Variants in NREP observed in about 807,000 individuals in gnomAD.
NREP encodes neuronal regeneration related protein, also known as neuronal regeneration-related protein.
In NREP, 5 loss-of-function variants were observed where a neutral mutation model predicts 8.6. The ratio of observed to expected loss-of-function variants is 0.58; its 90% CI spans 0.30 to 1.22. The LOEUF (loss-of-function observed/expected upper bound fraction) is 1.22, where lower values mean the gene tolerates loss of function less well. NREP is among the 50% of genes most tolerant of loss of function. NREP has a pLI of 0.07. For missense variants in NREP, 86 were observed against 82.5 expected (o/e 1.04, Z -0.17); for synonymous variants, 27 against 28.0 (o/e 0.96, Z 0.11).
intron 2 of NREP, among the ~76,000 whole-genome samples, chr5:111,740,103 G>GTGTT (rs1275508442): frequency 2.0e-5 from 3 of 151,846 alleles, no homozygotes; most frequent in Non-Finnish European, 2.9e-5. Context: ...GGAAGTTTGA[G>GTGTT]TGTTTATACT....
chr5:111,943,981 T>C (rs1437557757), intron 2 of NREP, among the ~76,000 whole-genome samples: 1 of 152,128 alleles, frequency 6.6e-6, no homozygotes, highest in Non-Finnish European at 1.5e-5. Flanking sequence ...CTTAGAAATG[T>C]TTCTTCTATT....
intron 2 of NREP, among the ~76,000 whole-genome samples, chr5:111,845,411 C>G (rs1753138109): frequency 6.6e-6 from 1 of 152,050 alleles, no homozygotes; most frequent in South Asian, 2.1e-4. Flanking sequence ...GCCCTGGCAA[C>G]TCCTATTCTG....
At chr5:111,786,913 A>C (rs1171696572) in intron 2 of NREP, among the ~76,000 whole-genome samples, 1 of 152,210 alleles carries the variant, frequency 6.6e-6, no homozygotes, top group Admixed American at 6.5e-5. Context: ...AAGGGAAAAG[A>C]AAGTTATATT....
At chr5:111,780,445 G>C (rs1052449611) in intron 2 of NREP, among the ~76,000 whole-genome samples, 6 of 152,126 alleles carry the variant, frequency 3.9e-5, no homozygotes, top group Admixed American at 1.3e-4. Context: ...AAGAGTCATA[G>C]AGCTTTTTAA....
At chr5:111,779,022 T>C (rs946665796) in intron 2 of NREP, among the ~76,000 whole-genome samples, 5 of 144,088 alleles carry the variant, frequency 3.5e-5, no homozygotes, top group Non-Finnish European at 3.1e-5. Flanking sequence ...AACTCCTTGA[T>C]ATATGAGTCT....
chr5:111,807,051 T>A (rs1341624627), intron 2 of NREP, among the ~76,000 whole-genome samples: 1 of 152,084 alleles, frequency 6.6e-6, no homozygotes, highest in Non-Finnish European at 1.5e-5. Flanking sequence ...TAAAAAAATG[T>A]GGGCTGGCAA....
chr5:111,884,958 T>C (rs921068308), intron 2 of NREP, among the ~76,000 whole-genome samples: 4 of 152,166 alleles, frequency 2.6e-5, no homozygotes, highest in Non-Finnish European at 5.9e-5. Context: ...CAACCTAGTG[T>C]TGGAAGTTCT....
At chr5:111,871,437 T>G (rs948361025) in intron 2 of NREP, among the ~76,000 whole-genome samples, 7 of 152,038 alleles carry the variant, frequency 4.6e-5, no homozygotes, top group Non-Finnish European at 1.0e-4. Context: ...GAGTGGCGAG[T>G]GAATGTGAAG....
intron 2 of NREP, among the ~76,000 whole-genome samples, chr5:111,825,180 A>C (rs1343651043): frequency 6.6e-6 from 1 of 152,162 alleles, no homozygotes; most frequent in African/African-American, 2.4e-5. Flanking sequence ...TTAATGGATT[A>C]AAAATAAAAC....
chr5:111,822,396 A>G (rs1052207327), intron 2 of NREP, among the ~76,000 whole-genome samples: 2 of 152,328 alleles, frequency 1.3e-5, no homozygotes, highest in African/African-American at 2.4e-5. Context: ...GATATAATAG[A>G]ATTAGGGCAA....
intron 2 of NREP, among the ~76,000 whole-genome samples, chr5:111,893,983 C>A (rs867265516): frequency 1.3e-5 from 2 of 151,918 alleles, no homozygotes; most frequent in Non-Finnish European, 2.9e-5. Flanking sequence ...CTTGGGAGGC[C>A]GACGCAGGCA....
chr5:111,850,993 A>G (rs949930424), intron 2 of NREP, among the ~76,000 whole-genome samples: 1 of 152,164 alleles, frequency 6.6e-6, no homozygotes, highest in Non-Finnish European at 1.5e-5. Flanking sequence ...AAGAATTCAC[A>G]TCTGGAGGTT....
chr5:111,864,549 A>G (rs924889682), intron 2 of NREP, among the ~76,000 whole-genome samples: 1 of 152,176 alleles, frequency 6.6e-6, no homozygotes, highest in Non-Finnish European at 1.5e-5. Context: ...GTATATCTGT[A>G]TATTAAAACT....
intron 3 of NREP, among the ~76,000 whole-genome samples, chr5:111,731,349 G>A (rs779297923): frequency 4.6e-5 from 7 of 151,332 alleles, no homozygotes; most frequent in Non-Finnish European, 1.0e-4. Flanking sequence ...AGGTTTCTTG[G>A]GACAGTTTCT....
chr5:111,830,734 T>G (rs539634638), intron 2 of NREP, among the ~76,000 whole-genome samples: 1 of 152,332 alleles, frequency 6.6e-6, no homozygotes, highest in African/African-American at 2.4e-5. Flanking sequence ...GAACTCAAAC[T>G]TTTATGGTTC....
chr5:111,882,288 T>TA (rs1005385095), intron 2 of NREP, among the ~76,000 whole-genome samples: 1 of 151,976 alleles, frequency 6.6e-6, no homozygotes, highest in Admixed American at 6.6e-5. Flanking sequence ...GAAAAAAGAA[T>TA]AAAAAGAAAT....
chr5:111,747,933 A>T (rs1224655604), intron 2 of NREP, among the ~76,000 whole-genome samples: 1 of 152,156 alleles, frequency 6.6e-6, no homozygotes, highest in East Asian at 1.9e-4. Flanking sequence ...TCACTTTAAA[A>T]GATTTCATTA....
At chr5:111,795,851 T>C (rs910056247) in intron 2 of NREP, among the ~76,000 whole-genome samples, 2 of 152,194 alleles carry the variant, frequency 1.3e-5, no homozygotes, top group African/African-American at 2.4e-5. Context: ...TACTCAAGCA[T>C]AGCTGAGCAA....
intron 2 of NREP, among the ~76,000 whole-genome samples, chr5:111,809,466 G>A (rs946922516): frequency 6.6e-6 from 1 of 152,188 alleles, no homozygotes. Context: ...AGGTCATGGG[G>A]ACAGATTCCT....
Sources: gnomAD v4.1 joint callset for allele counts (sites outside exome capture counted in the v4.1 genomes callset) on GRCh38, gnomAD v4.1.1 for gene constraint, MANE v1.5 for transcripts, NCBI Gene and HGNC (gene_info 2026-07-23, HGNC 2026-07-21) for gene names.